CD86: variants seen among roughly 807,000 people sequenced by gnomAD.
CD86 encodes CD86 molecule.
In CD86, 11 loss-of-function variants were observed where a neutral mutation model predicts 32.1. The observed-to-expected ratio is 0.34, with a 90% CI of 0.22 to 0.57. CD86 has a LOEUF of 0.57. Among genes scored for constraint, CD86 ranks in the 20% least tolerant of loss-of-function variants. CD86 has a pLI of 0.86. For missense variants in CD86, 359 were observed against 398.4 expected (o/e 0.90, Z 0.84); for synonymous variants, 137 against 135.3 (o/e 1.01, Z -0.09).
intron 1 of CD86, among the ~76,000 whole-genome samples, chr3:122,083,546 C>T (rs1261067445): frequency 1.3e-5 from 2 of 152,210 alleles, no homozygotes. Context: ...TGTCTCCAAA[C>T]TTAGCAGCTT....
chr3:122,077,859 A>C, intron 1 of CD86: 1 of 985,432 alleles, frequency 1.0e-6, no homozygotes, highest in Non-Finnish European at 1.2e-6. Context: ...CCCTTTCTGT[A>C]TTTGAGTTCT....
chr3:122,069,766 C>T (rs148135303), intron 1 of CD86, among the ~76,000 whole-genome samples: 1 of 152,220 alleles, frequency 6.6e-6, no homozygotes, highest in African/African-American at 2.4e-5. Context: ...CCCAGAACAC[C>T]GCAACTCCAC....
At chr3:122,114,409 T>C (rs751181742) in intron 5 of CD86, among the ~76,000 whole-genome samples, 3 of 152,144 alleles carry the variant, frequency 2.0e-5, no homozygotes, top group Non-Finnish European at 2.9e-5. Context: ...AAACAACTGT[T>C]TTCAGAGATC....
chr3:122,078,049 T>C (rs1484968702), intron 1 of CD86: 1 of 985,490 alleles, frequency 1.0e-6, no homozygotes, highest in African/African-American at 1.7e-5. Context: ...GTGACAGGTA[T>C]GTTTGTGGAG....
At position 122,119,460 on chromosome 3, in the gene CD86, A is replaced by C; in HGVS notation, c.916A>C (p.Arg306=). The C allele has an allele frequency of 1.9e-6, 3 of 1,608,354 alleles. No homozygotes were observed. Among genetic ancestry groups the C allele is most frequent in the Non-Finnish European group, 2.6e-6 (3 of 1,175,092 alleles). Residue 306 remains arginine, a synonymous_variant, in exon 7 of 7, where the codon AGA becomes CGA. Transcript: ENST00000330540. ...KKREKIHIPE[R]SDEAQRVFKS... ...CAGAGAAAAAATCCATATACCTGAA[A>C]GATCTGATGAAGCCCAGCGTGTTTT...
intron 4 of CD86, among the ~76,000 whole-genome samples, chr3:122,106,812 T>C (rs959034545): frequency 2.1e-5 from 3 of 143,766 alleles, no homozygotes; most frequent in Non-Finnish European, 3.0e-5. Flanking sequence ...TAGAATTCTT[T>C]CTTTGATTAC....
intron 1 of CD86, among the ~76,000 whole-genome samples, chr3:122,057,075 A>G (rs1320818475): frequency 6.6e-6 from 1 of 152,266 alleles, no homozygotes; most frequent in East Asian, 1.9e-4. Context: ...AGAGATAAAT[A>G]TTAAGTTTTA....
intron 4 of CD86, among the ~76,000 whole-genome samples, chr3:122,109,006 C>A (rs1463026666): frequency 6.6e-6 from 1 of 152,158 alleles, no homozygotes; most frequent in African/African-American, 2.4e-5. Context: ...TCTTCCTGAT[C>A]ATGGTCGGTG....
chr3:122,078,068 G>A (rs962449726), intron 1 of CD86: 26 of 985,368 alleles, frequency 2.6e-5, no homozygotes, highest in Non-Finnish European at 3.0e-5. Context: ...AGGCTCAGAC[G>A]CCTAGGGAGT....
intron 1 of CD86, among the ~76,000 whole-genome samples, chr3:122,065,572 G>A (rs148432085): frequency 6.6e-6 from 1 of 152,278 alleles, no homozygotes; most frequent in South Asian, 2.1e-4. Flanking sequence ...GCTTCCAATG[G>A]TGTATAAGCT....
Position 122,120,042 on chromosome 3 carries a change from A to G in CD86, c.*508A>G, listed in dbSNP as rs1445192211. The G allele has an allele frequency of 6.4e-6, 1 of 156,054 alleles. No individual in the cohort carries two copies. The highest frequency in any genetic ancestry group is 1.4e-5 in the Non-Finnish European group (1 of 71,070). The allele number at this position is 156,054 out of a possible 1,614,324, so 9.7% of individuals were successfully genotyped here. A position where few individuals can be genotyped will look rare whatever the true frequency, so the allele number is the denominator to read the frequency against. Reference sequence around the variant, plus strand: ...TTAATATCTTGAAACATAGAGATCTATGTACTGTAATAGTGTGATTACTAT... The same window carrying G: ...TTAATATCTTGAAACATAGAGATCTGTGTACTGTAATAGTGTGATTACTAT... On this transcript the variant is annotated 3_prime_UTR_variant, in exon 7 of 7. Coordinates refer to ENST00000330540, the MANE Select transcript of CD86 (RefSeq NM_175862.5).
At chr3:122,066,450 C>T (rs1234907431) in intron 1 of CD86, among the ~76,000 whole-genome samples, 3 of 152,148 alleles carry the variant, frequency 2.0e-5, no homozygotes, top group African/African-American at 7.2e-5. Flanking sequence ...TAACAGCAGT[C>T]ACATAGCATT....
At position 122,119,719 on chromosome 3, in the gene CD86, G is replaced by C. The variant is rs2073314192; in HGVS notation, c.*185G>C. ...CCAGCTCTGCTCCGTATGCCAAGAG[G>C]AGACTTTAATTCTCTTACTGCTTCT... is the stretch of plus-strand genomic sequence containing the variant. On this transcript the variant is annotated 3_prime_UTR_variant, in exon 7 of 7. Coordinates refer to ENST00000330540, the MANE Select transcript of CD86 (RefSeq NM_175862.5). 1 of 555,992 alleles carries C rather than the reference G, an allele frequency of 1.8e-6. No homozygotes were observed. The highest frequency in any genetic ancestry group is 1.9e-5 in the African/African-American group (1 of 52,460). The allele number at this position is 555,992 out of a possible 1,614,324, so 34.4% of individuals were successfully genotyped here.
At chr3:122,108,334 C>A (rs543360638) in intron 4 of CD86, among the ~76,000 whole-genome samples, 1 of 152,316 alleles carries the variant, frequency 6.6e-6, no homozygotes, top group South Asian at 2.1e-4. Context: ...GTAAGTATAA[C>A]CCCTAACCCC....
At chr3:122,088,827 G>T (rs893948480) in intron 1 of CD86, among the ~76,000 whole-genome samples, 2 of 152,142 alleles carry the variant, frequency 1.3e-5, no homozygotes, top group African/African-American at 2.4e-5. Flanking sequence ...CCCCTTCTGG[G>T]TATATACCCA....
chr3:122,058,964 G>C (rs1204218132), intron 1 of CD86, among the ~76,000 whole-genome samples: 1 of 152,106 alleles, frequency 6.6e-6, no homozygotes, highest in African/African-American at 2.4e-5. Context: ...TAGACACTGG[G>C]AGAGGAGGAG....
intron 1 of CD86, among the ~76,000 whole-genome samples, chr3:122,079,835 G>A (rs1401463268): frequency 6.6e-6 from 1 of 152,082 alleles, no homozygotes; most frequent in Non-Finnish European, 1.5e-5. Flanking sequence ...GTTCCCTATC[G>A]GTCCTCCTTT....
At chr3:122,082,089 T>A (rs1300578103) in intron 1 of CD86, among the ~76,000 whole-genome samples, 1 of 152,178 alleles carries the variant, frequency 6.6e-6, no homozygotes, top group East Asian at 1.9e-4. Context: ...AAGTTATGAG[T>A]TCAACCACTT....
At chr3:122,109,635 A>G (rs2073143522) in intron 5 of CD86, among the ~76,000 whole-genome samples, 1 of 152,194 alleles carries the variant, frequency 6.6e-6, no homozygotes, top group Admixed American at 6.5e-5. Context: ...CTGGTTTACA[A>G]ATGTACTTCT....
Sources: gnomAD v4.1 joint callset for allele counts (sites outside exome capture counted in the v4.1 genomes callset) on GRCh38, gnomAD v4.1.1 for gene constraint, MANE v1.5 for transcripts, NCBI Gene and HGNC (gene_info 2026-07-23, HGNC 2026-07-21) for gene names.